Variants in TENM2 observed in about 807,000 individuals in gnomAD.
TENM2 encodes the protein teneurin-2.
In TENM2, 52 loss-of-function variants were observed where a neutral mutation model predicts 245.2. The observed-to-expected ratio is 0.21, with a 90% CI of 0.17 to 0.27. TENM2 has a LOEUF of 0.27. Among genes scored for constraint, TENM2 ranks in the 10% least tolerant of loss-of-function variants. The probability of loss-of-function intolerance (pLI) is 1.00; values close to 1 mark genes in which losing one functional copy is unlikely to be tolerated. For missense variants in TENM2, 3,046 were observed against 3,666.8 expected (o/e 0.83, Z 4.37); for synonymous variants, 1,363 against 1,438.9 (o/e 0.95, Z 1.19).
intron 2 of TENM2, among the ~76,000 whole-genome samples, chr5:167,536,286 T>TA (rs375058324): frequency 0.02 from 2,970 of 150,100 alleles, 109 homozygotes; most frequent in African/African-American, 0.069. Context: ...AGGAAAACTC[T>TA]AAAAAAAAAG....
At chr5:167,660,488 AAAAAG>A (rs1755137372) in intron 2 of TENM2, 3 of 150,774 alleles carry the variant, frequency 2.0e-5, no homozygotes, top group Admixed American at 2.0e-4. Context: ...AAAAAAAAAA[AAAAAG>A]ATATTACACC....
intron 2 of TENM2, among the ~76,000 whole-genome samples, chr5:167,516,658 C>G (rs550941829): frequency 6.6e-6 from 1 of 152,298 alleles, no homozygotes; most frequent in Admixed American, 6.5e-5. Flanking sequence ...TGATTTTCCA[C>G]ATCCCATTTA....
In TENM2 at chr5:167,656,943, C is replaced by CTTTT. The variant is rs5873053; in HGVS notation, c.503-219032_503-219029dup. Among the ~76,000 whole-genome samples, 461 of 142,442 alleles carry CTTTT rather than the reference C, an allele frequency of 3.2e-3. 4 individuals are homozygous for CTTTT. The highest frequency in any genetic ancestry group is 0.011 in the African/African-American group (443 of 39,052). 93.4% of individuals were successfully genotyped at this position (142,442 alleles called of 152,430 possible). Reference sequence around the variant, plus strand: ...CGTATCTATCTTCTCAAAGATTTATCTTTTTTTTTTTTTTGCATTGGAAAC... The same window carrying CTTTT: ...CGTATCTATCTTCTCAAAGATTTATCTTTTTTTTTTTTTTTTTTGCATTGGAAAC... On this transcript the variant is annotated intron_variant, in intron 2 of 28. Coordinates refer to ENST00000518659, the Ensembl canonical transcript of TENM2.
At chr5:168,035,865 T>C (rs556171448) in intron 5 of TENM2, among the ~76,000 whole-genome samples, 122 of 152,336 alleles carry the variant, frequency 8.0e-4, no homozygotes, top group African/African-American at 2.7e-3. Flanking sequence ...GGTCTCTTCA[T>C]CTTTAAAATT....
chr5:167,857,084 C>G (rs1365516715), intron 2 of TENM2, among the ~76,000 whole-genome samples: 1 of 151,858 alleles, frequency 6.6e-6, no homozygotes, highest in Non-Finnish European at 1.5e-5. Context: ...GGTAGTTATT[C>G]AATACATATG....
intron 3 of TENM2, among the ~76,000 whole-genome samples, chr5:167,929,081 GAAA>G (rs1778040900): frequency 1.4e-5 from 1 of 73,088 alleles, no homozygotes; most frequent in Non-Finnish European, 2.6e-5. Flanking sequence ...AAGAAAGAAA[GAAA>G]GAAAGAAAGA....
chr5:167,713,301 A>G lies in TENM2; in HGVS notation c.503-162685A>G, dbSNP rs535943183. 7.6e-4 allele frequency among the ~76,000 whole-genome samples: 115 copies of G among 151,532 alleles called. 1 individual carries two copies. The highest frequency in any genetic ancestry group is 6.8e-3 in the Middle Eastern group (2 of 294). ...CAAATCAACAGCCCAGAAATCGGGA[A>G]GCTCCTTTTTTAATTCCCATCCTGT... On this transcript the variant is annotated intron_variant, in intron 2 of 28. Transcript: ENST00000518659.
intron 3 of TENM2, among the ~76,000 whole-genome samples, chr5:167,932,214 T>C (rs1006348244): frequency 6.6e-6 from 1 of 152,118 alleles, no homozygotes; most frequent in Non-Finnish European, 1.5e-5. Context: ...CCCTACAGAC[T>C]AATGGTGAGT....
intron 2 of TENM2, among the ~76,000 whole-genome samples, chr5:167,731,278 T>C (rs1313348728): frequency 1.3e-5 from 2 of 151,596 alleles, no homozygotes; most frequent in South Asian, 2.1e-4. Flanking sequence ...AGATGGAAGA[T>C]GTTCGCCTCC....
rs147405009 is a variant in TENM2 at position 167,302,859 on chromosome 5, A to T, written c.226+17796A>T. Among the ~76,000 whole-genome samples the T allele has an allele frequency of 2.0e-4, 31 of 152,290 alleles. 1 individual carries two copies. The East Asian group carries it at 5.6e-3, about 28-fold the overall frequency. On this transcript the variant is annotated intron_variant, in intron 1 of 28. Coordinates refer to ENST00000518659, the Ensembl canonical transcript of TENM2. ...AAGGCAGGCATCCCTGCATGGTCAG[A>T]CACCTCTGAAACATGGGTAAATAAT...
intron 2 of TENM2, among the ~76,000 whole-genome samples, chr5:167,581,754 C>A (rs1222987246): frequency 6.6e-6 from 1 of 152,062 alleles, no homozygotes; most frequent in Non-Finnish European, 1.5e-5. Flanking sequence ...TTCCAGCTGA[C>A]ATTATTAATT....
the TENM2 span, among the ~76,000 whole-genome samples, chr5:167,007,529 C>G: frequency 3.9e-5 from 6 of 152,186 alleles, no homozygotes; most frequent in African/African-American, 1.4e-4. The surrounding 1 kb of genome is among the most constrained non-coding windows in gnomAD (Gnocchi z 4.2). Flanking sequence ...TCAATCTTTC[C>G]CATCCCTGCT....
intron 1 of TENM2, among the ~76,000 whole-genome samples, chr5:167,309,217 T>C (rs1755869133): frequency 6.6e-6 from 1 of 152,098 alleles, no homozygotes; most frequent in African/African-American, 2.4e-5. Context: ...GAAAGAAGAA[T>C]GGAAAGAACA....
chr5:168,222,144 C>G (rs981636360), intron 23 of TENM2, among the ~76,000 whole-genome samples: 1 of 152,224 alleles, frequency 6.6e-6, no homozygotes, highest in Non-Finnish European at 1.5e-5. Flanking sequence ...AAGAGTCAGA[C>G]AGATAGAGAC....
At chr5:167,007,478 A>G in the TENM2 span, among the ~76,000 whole-genome samples, 1 of 152,250 alleles carries the variant, frequency 6.6e-6, no homozygotes, top group Non-Finnish European at 1.5e-5. The surrounding 1 kb of genome is among the most constrained non-coding windows in gnomAD (Gnocchi z 4.2). Context: ...AAAGTATCAA[A>G]AGCGAAAAGT....
chr5:167,291,069 C>T (rs1485906595), intron 1 of TENM2, among the ~76,000 whole-genome samples: 1 of 152,144 alleles, frequency 6.6e-6, no homozygotes, highest in East Asian at 1.9e-4. Context: ...CAACTATCTT[C>T]ATGTTTGCCC....
At chr5:168,004,253 T>C (rs1784628417) in intron 5 of TENM2, among the ~76,000 whole-genome samples, 1 of 152,246 alleles carries the variant, frequency 6.6e-6, no homozygotes, top group African/African-American at 2.4e-5. Context: ...TGCCTTATTT[T>C]GCCTAACTTC....
In TENM2 at chr5:167,352,438, T is replaced by C. The variant is rs149866522; in HGVS notation, c.227-22760T>C. Among the ~76,000 whole-genome samples, 230 of 152,312 alleles carry C rather than the reference T, an allele frequency of 1.5e-3. 1 individual carries two copies. The highest frequency in any genetic ancestry group is 5.3e-3 in the African/African-American group (219 of 41,576). On this transcript the variant is annotated intron_variant, in intron 1 of 28. Transcript: ENST00000518659. ...TTAAAAACTTATGAGGAAGAATAAA[T>C]TGAGTCTTTGATTATTCTTCAATCT...
chr5:167,923,158 T>C (rs1258892207), intron 3 of TENM2, among the ~76,000 whole-genome samples: 1 of 152,054 alleles, frequency 6.6e-6, no homozygotes, highest in East Asian at 1.9e-4. Context: ...ACCCCATCTC[T>C]ACTAAAAATA....
Sources: gnomAD v4.1 joint callset for allele counts (sites outside exome capture counted in the v4.1 genomes callset) on GRCh38, gnomAD v4.1.1 for gene constraint, Gnocchi (gnomAD v3.1) non-coding constraint, MANE v1.5 for transcripts, NCBI Gene and HGNC (gene_info 2026-07-23, HGNC 2026-07-21) for gene names.